KCNN2: variants seen among roughly 807,000 people sequenced by gnomAD.
KCNN2 encodes small conductance calcium-activated potassium channel protein 2.
In KCNN2, 24 loss-of-function variants were observed where a neutral mutation model predicts 55.5. The observed-to-expected ratio is 0.43, with a 90% CI of 0.31 to 0.61. The LOEUF is 0.61. Ranked by LOEUF, KCNN2 falls within the 20% of genes least tolerant of loss-of-function variation. The pLI, the probability that KCNN2 is intolerant of heterozygous loss-of-function variation, is 0.08. For synonymous variants in KCNN2, 431 were observed against 336.1 expected, an observed-to-expected ratio of 1.28 and a Z score of -3.09; for missense variants, 754 against 853.6, an observed-to-expected ratio of 0.88 and a Z score of 1.45.
Position 114,254,103 on chromosome 5 carries a change from A to G in KCNN2, c.-185+32538A>G, listed in dbSNP as rs566354579. Among the ~76,000 whole-genome samples, 15 of 152,316 alleles carry G rather than the reference A, an allele frequency of 9.8e-5. 1 individual carries two copies. In the South Asian group the frequency reaches 2.9e-3, roughly 29 times the overall value. Reference sequence around the variant, plus strand: ...ATTCTGAGATTCACTGACAAAAAACATTTTGATCTGATAAAAATATTTCTG... The same window carrying G: ...ATTCTGAGATTCACTGACAAAAAACGTTTTGATCTGATAAAAATATTTCTG... On this transcript the variant is annotated intron_variant, in intron 2 of 10. Transcript: ENST00000512097.
chr5:114,341,066 C>T (rs1217046666), intron 2 of KCNN2, among the ~76,000 whole-genome samples: 2 of 152,168 alleles, frequency 1.3e-5, no homozygotes, highest in Admixed American at 1.3e-4. Flanking sequence ...GTATATACCA[C>T]ATTTTCTTTA....
At chr5:114,291,608 G>T (rs964939232) in intron 2 of KCNN2, among the ~76,000 whole-genome samples, 5 of 152,154 alleles carry the variant, frequency 3.3e-5, no homozygotes, top group Non-Finnish European at 7.3e-5. Flanking sequence ...ATTTGGGTTG[G>T]TTCCAAGTCT....
intron 2 of KCNN2, among the ~76,000 whole-genome samples, chr5:114,262,701 T>C (rs1755132548): frequency 6.6e-6 from 1 of 152,246 alleles, no homozygotes; most frequent in Non-Finnish European, 1.5e-5. Context: ...AAAATTTTAC[T>C]ATTGCCAATG....
At chr5:114,255,289 A>G (rs1754960686) in intron 2 of KCNN2, among the ~76,000 whole-genome samples, 1 of 152,214 alleles carries the variant, frequency 6.6e-6, no homozygotes, top group African/African-American at 2.4e-5. Flanking sequence ...TATATACAAG[A>G]TACAGTGGCA....
At chr5:114,063,132 G>A (rs1238050460) in intron 1 of KCNN2, among the ~76,000 whole-genome samples, 1 of 152,122 alleles carries the variant, frequency 6.6e-6, no homozygotes, top group African/African-American at 2.4e-5. Flanking sequence ...AGGCAGCTGT[G>A]CTCAGCTCCT....
intron 2 of KCNN2, among the ~76,000 whole-genome samples, chr5:114,369,359 T>C (rs1757696416): frequency 1.3e-5 from 2 of 152,204 alleles, no homozygotes; most frequent in Admixed American, 1.3e-4. Context: ...AATGGAGTTA[T>C]CAGAAGCAAA....
upstream of KCNN2, among the ~76,000 whole-genome samples, chr5:114,359,332 T>G (rs186387509): frequency 9.0e-4 from 137 of 152,290 alleles, no homozygotes; most frequent in Non-Finnish European, 1.4e-3. Flanking sequence ...AAGTGAGAAC[T>G]CCATGCAACA....
intron 1 of KCNN2, among the ~76,000 whole-genome samples, chr5:114,163,541 A>G (rs930414190): frequency 6.6e-6 from 1 of 152,172 alleles, no homozygotes; most frequent in African/African-American, 2.4e-5. Context: ...ATCTATTGAG[A>G]TCATCATGTG....
rs531405100 is a variant in KCNN2, at chr5:114,085,443, G to A, written c.-271+28943G>A. On this transcript the variant is annotated intron_variant, in intron 1 of 10. Coordinates refer to the KCNN2 transcript ENST00000512097. ...TTGATAGTTAAGTATTTCATTTTTT[G>A]GTGTTATTGCAAATGATATTGTGTT... Among the ~76,000 whole-genome samples the A allele has an allele frequency of 3.3e-5, 5 of 151,656 alleles. No individual in the cohort carries two copies. The South Asian group carries it at 6.3e-4, about 19-fold the overall frequency.
intron 1 of KCNN2, among the ~76,000 whole-genome samples, chr5:114,193,512 G>C (rs1753491275): frequency 6.6e-6 from 1 of 152,116 alleles, no homozygotes; most frequent in Non-Finnish European, 1.5e-5. Context: ...CCTTTAGTTA[G>C]TGCTATTCAG....
intron 1 of KCNN2, among the ~76,000 whole-genome samples, chr5:114,182,881 G>A (rs1330595612): frequency 2.0e-5 from 3 of 151,890 alleles, no homozygotes; most frequent in South Asian, 4.2e-4. Flanking sequence ...TATTGCAATG[G>A]CTACAATTTC....
intron 2 of KCNN2, among the ~76,000 whole-genome samples, chr5:114,324,198 TA>T (rs1464302661): frequency 6.6e-6 from 1 of 152,196 alleles, no homozygotes; most frequent in Non-Finnish European, 1.5e-5. Context: ...CTATGAAATA[TA>T]AATTAAATAG....
chr5:114,288,527 CACAT>C lies in KCNN2; in HGVS notation c.-185+66966_-185+66969del, dbSNP rs1237344589. Among the ~76,000 whole-genome samples, 14 of 151,590 alleles carry C rather than the reference CACAT, an allele frequency of 9.2e-5. No individual in the cohort carries two copies. The South Asian group carries it at 1.3e-3, about 14-fold the overall frequency. ...ACACACACACACACACACACACACA[CACAT>C]ACACATAGATAATATTTTTTGATAG... On this transcript the variant is annotated intron_variant, in intron 2 of 10. Transcript: ENST00000512097.
chr5:114,491,428 A>G (rs1048993730), intron 6 of KCNN2, among the ~76,000 whole-genome samples: 2 of 151,930 alleles, frequency 1.3e-5, no homozygotes, highest in East Asian at 1.9e-4. Flanking sequence ...GTAATCGTCA[A>G]TTGATAGTTG....
intron 2 of KCNN2, among the ~76,000 whole-genome samples, chr5:114,341,329 G>A (rs1757011325): frequency 6.6e-6 from 1 of 152,216 alleles, no homozygotes; most frequent in Admixed American, 6.5e-5. Context: ...TGTGGATCAG[G>A]AGTTCAGTTC....
intron 3 of KCNN2, among the ~76,000 whole-genome samples, chr5:114,448,863 G>C (rs973230445): frequency 6.6e-6 from 1 of 152,152 alleles, no homozygotes; most frequent in African/African-American, 2.4e-5. Context: ...CTGTAGATGG[G>C]GCACCTTAAG....
At chr5:114,111,533 A>C (rs62381846) in intron 1 of KCNN2, among the ~76,000 whole-genome samples, 6,607 of 152,282 alleles carry the variant, frequency 0.043, 230 homozygotes, top group Non-Finnish European at 0.066. Flanking sequence ...CTATCATCAG[A>C]GTGAACAGGC....
intron 2 of KCNN2, among the ~76,000 whole-genome samples, chr5:114,244,546 G>A (rs147654585): frequency 0.015 from 2,274 of 151,694 alleles, 78 homozygotes; most frequent in African/African-American, 0.052. Context: ...ACAGCGAGCC[G>A]AGATCGCGCC....
intron 2 of KCNN2, among the ~76,000 whole-genome samples, chr5:114,232,912 T>C (rs1438490029): frequency 1.2e-5 from 1 of 86,344 alleles, no homozygotes; most frequent in African/African-American, 4.7e-5. Flanking sequence ...GGTAATTTTT[T>C]ATATTGTTTC....
Sources: allele counts gnomAD v4.1 joint callset (sites outside exome capture counted in the v4.1 genomes callset), GRCh38; gene constraint gnomAD v4.1.1; transcripts MANE v1.5; gene names NCBI Gene and HGNC (gene_info 2026-07-23, HGNC 2026-07-21).